The following CDH12 variants were observed in gnomAD, a reference collection of about 807,000 sequenced individuals.
CDH12 encodes the protein cadherin-12.
Under a neutral mutation model 74.1 loss-of-function variants are expected in CDH12, and 41 were observed. That is an observed-to-expected ratio of 0.55 (90% confidence interval 0.43 to 0.72). The LOEUF is 0.72. Ranked by LOEUF, CDH12 falls within the 30% of genes least tolerant of loss-of-function variation. The pLI, the probability that CDH12 is intolerant of heterozygous loss-of-function variation, is 0.00. For synonymous variants in CDH12, 399 were observed against 355.0 expected (o/e 1.12, Z -1.39); for missense variants, 945 against 977.2 (o/e 0.97, Z 0.44).
chr5:22,193,319 G>A (rs1297451455), intron 4 of CDH12, among the ~76,000 whole-genome samples: 1 of 152,196 alleles, frequency 6.6e-6, no homozygotes, highest in Non-Finnish European at 1.5e-5. Context: ...ATAAGGAAAT[G>A]TAATGACATA....
chr5:22,614,942 G>GAT (rs1737619637), intron 1 of CDH12, among the ~76,000 whole-genome samples: 1 of 152,014 alleles, frequency 6.6e-6, no homozygotes, highest in Non-Finnish European at 1.5e-5. Flanking sequence ...TGACAGCATG[G>GAT]ATACACTGGA....
chr5:22,744,892 T>C (rs1745216026), intron 1 of CDH12, among the ~76,000 whole-genome samples: 1 of 152,042 alleles, frequency 6.6e-6, no homozygotes, highest in Non-Finnish European at 1.5e-5. Context: ...CGTCTGTAAA[T>C]GGGAATAATA....
intron 1 of CDH12, among the ~76,000 whole-genome samples, chr5:22,573,011 C>T (rs887797183): frequency 2.0e-5 from 3 of 152,264 alleles, no homozygotes; most frequent in East Asian, 1.9e-4. Context: ...ATGAAAATAG[C>T]TCAAAATTGC....
At chr5:21,998,944 AT>A (rs1412820740) in intron 5 of CDH12, among the ~76,000 whole-genome samples, 1 of 152,186 alleles carries the variant, frequency 6.6e-6, no homozygotes, top group Admixed American at 6.5e-5. Context: ...TTAAAACACA[AT>A]ACAGAGAAAA....
At chr5:22,814,325 T>A (rs984630499) in intron 1 of CDH12, among the ~76,000 whole-genome samples, 4 of 152,170 alleles carry the variant, frequency 2.6e-5, no homozygotes, top group African/African-American at 9.6e-5. Context: ...CCAAGATAAT[T>A]TGAAACTAAA....
At chr5:22,292,349 T>G (rs1300322405) in intron 3 of CDH12, among the ~76,000 whole-genome samples, 18 of 148,726 alleles carry the variant, frequency 1.2e-4, no homozygotes, top group South Asian at 6.3e-4. Context: ...TTGTTTTTTT[T>G]TTTTTTTTTT....
chr5:22,650,833 G>A (rs1009251403), intron 1 of CDH12, among the ~76,000 whole-genome samples: 3 of 152,006 alleles, frequency 2.0e-5, no homozygotes, highest in African/African-American at 7.2e-5. Flanking sequence ...CTGCAAGTGG[G>A]TTTACAAGCA....
chr5:22,635,556 C>G (rs913080461), intron 1 of CDH12, among the ~76,000 whole-genome samples: 2 of 152,102 alleles, frequency 1.3e-5, no homozygotes, highest in Non-Finnish European at 1.5e-5. Flanking sequence ...AGTCAACCCA[C>G]AGAATGGAAG....
chr5:22,311,886 T>C (rs1289548471), intron 3 of CDH12, among the ~76,000 whole-genome samples: 4 of 152,186 alleles, frequency 2.6e-5, no homozygotes, highest in African/African-American at 7.2e-5. Flanking sequence ...AGATTCTACA[T>C]ACATTTAAAG....
chr5:22,845,578 T>G (rs575197819), intron 1 of CDH12, among the ~76,000 whole-genome samples: 1 of 152,284 alleles, frequency 6.6e-6, no homozygotes, highest in African/African-American at 2.4e-5. Context: ...GTAGGTCCTA[T>G]TTTATAAAAT....
At chr5:21,857,226 T>C (rs1011377684) in intron 6 of CDH12, among the ~76,000 whole-genome samples, 6 of 151,884 alleles carry the variant, frequency 4.0e-5, no homozygotes, top group African/African-American at 1.2e-4. Flanking sequence ...GCATGTTTAA[T>C]GTGCCACAAG....
chr5:22,262,879 C>G (rs1220637227), intron 3 of CDH12, among the ~76,000 whole-genome samples: 5 of 151,962 alleles, frequency 3.3e-5, no homozygotes, highest in Non-Finnish European at 7.4e-5. Flanking sequence ...GCAAAAGAAA[C>G]TACCATCAGA....
At position 22,472,626 on chromosome 5, in the gene CDH12, CA is replaced by C. The variant is rs897781292; in HGVS notation, c.-428+32643del. ...TCTCTGGCTTCTATGTTTTTTCTCT[CA>C]AAAAAAAATCTATTATACTGTGGAA... On this transcript the variant is annotated intron_variant, in intron 2 of 14. Coordinates refer to ENST00000382254, the MANE Select transcript of CDH12 (RefSeq NM_004061.5). Among the ~76,000 whole-genome samples the C allele has an allele frequency of 1.7e-4, 25 of 151,154 alleles. No homozygotes were observed. The East Asian group carries it at 4.3e-3, about 26-fold the overall frequency.
intron 3 of CDH12, among the ~76,000 whole-genome samples, chr5:22,233,854 T>C (rs969862420): frequency 2.0e-5 from 3 of 152,194 alleles, no homozygotes; most frequent in African/African-American, 7.2e-5. Context: ...TGTCCCATAG[T>C]CACAGTTTGC....
At chr5:22,346,171 G>T in intron 3 of CDH12, among the ~76,000 whole-genome samples, 1 of 150,636 alleles carries the variant, frequency 6.6e-6, no homozygotes, top group East Asian at 1.9e-4. Flanking sequence ...AACCAAGATT[G>T]GCTTCAGTGG....
intron 3 of CDH12, among the ~76,000 whole-genome samples, chr5:22,249,037 A>G (rs895193241): frequency 6.6e-6 from 1 of 152,186 alleles, no homozygotes; most frequent in Non-Finnish European, 1.5e-5. Context: ...TTTGGGATTT[A>G]TATGTAATGA....
intron 1 of CDH12, among the ~76,000 whole-genome samples, chr5:22,709,991 C>T (rs1561593811): frequency 6.6e-6 from 1 of 152,148 alleles, no homozygotes; most frequent in South Asian, 2.1e-4. Context: ...AGATATGAGT[C>T]ATAGCCTAGC....
intron 9 of CDH12, among the ~76,000 whole-genome samples, chr5:21,804,276 A>T (rs950696348): frequency 6.6e-6 from 1 of 152,144 alleles, no homozygotes; most frequent in African/African-American, 2.4e-5. Flanking sequence ...CTTTGATGAC[A>T]TGAATAGAAG....
chr5:22,745,325 A>G (rs931253919), intron 1 of CDH12, among the ~76,000 whole-genome samples: 2 of 152,134 alleles, frequency 1.3e-5, no homozygotes, highest in Non-Finnish European at 2.9e-5. Context: ...AAGATTTGCC[A>G]TGTTTTCAAA....
Sources: gnomAD v4.1 joint callset for allele counts (sites outside exome capture counted in the v4.1 genomes callset) on GRCh38, gnomAD v4.1.1 for gene constraint, MANE v1.5 for transcripts, NCBI Gene and HGNC (gene_info 2026-07-23, HGNC 2026-07-21) for gene names.